The following MED17 variants were observed in gnomAD, a reference collection of about 807,000 sequenced individuals.
MED17 encodes mediator complex subunit 17.
A neutral mutation model predicts 80.8 loss-of-function variants in MED17; 49 were observed. The observed-to-expected ratio is 0.61, with a 90% CI of 0.48 to 0.77. The LOEUF (loss-of-function observed/expected upper bound fraction) is 0.77. MED17 is among the 30% of genes least tolerant of loss of function. MED17 has a pLI of 0.00. For synonymous variants in MED17, 281 were observed against 280.4 expected, an observed-to-expected ratio of 1.00 and a Z score of -0.02; for missense variants, 718 against 787.0, an observed-to-expected ratio of 0.91 and a Z score of 1.05.
At chr11:93,801,228 A>G (rs1283384650) in intron 8 of MED17, 1 of 152,440 alleles carries the variant, frequency 6.6e-6, no homozygotes, top group Admixed American at 6.5e-5. Flanking sequence ...ATTAAATGAT[A>G]TGTTAGTAAG....
chr11:93,807,782 A>G (rs975688391), intron 10 of MED17, 147 bp downstream of exon 10: 3 of 706,390 alleles, frequency 4.2e-6, no homozygotes, highest in South Asian at 1.5e-5. Context: ...TTTAATTTCT[A>G]ATGCACATTT....
chr11:93,803,033 C>T (rs1217794585), intron 9 of MED17, among the ~76,000 whole-genome samples: 2 of 152,028 alleles, frequency 1.3e-5, no homozygotes, highest in African/African-American at 4.8e-5. Context: ...TTTGAGATGG[C>T]GTCTCACAAT....
intron 10 of MED17, chr11:93,809,268 C>G: frequency 3.4e-6 from 1 of 297,440 alleles, no homozygotes; most frequent in South Asian, 3.3e-5. Flanking sequence ...AATAAATACC[C>G]TGACCTCACT....
intron 3 of MED17, among the ~76,000 whole-genome samples, chr11:93,792,863 C>T (rs958555683): frequency 3.9e-5 from 6 of 151,992 alleles, no homozygotes; most frequent in African/African-American, 1.5e-4. Flanking sequence ...ATTGTTAAAT[C>T]CTAGGAGTTT....
In MED17 at chr11:93,797,061, A is replaced by C. The variant is rs1003690697; in HGVS notation, c.1144-474A>C. ...AAGAGTTGTTTTTAAAAAGCTCCTT[A>C]GGAGGTTCAGATAGGCAGCCGGGTT... On this transcript the variant is annotated intron_variant, in intron 7 of 11. Coordinates refer to ENST00000251871, the MANE Select transcript of MED17 (RefSeq NM_004268.5). 6.8e-5 allele frequency: 14 copies of C among 206,474 alleles called. No homozygotes were observed. In the East Asian group the frequency reaches 1.7e-3, roughly 25 times the overall value. 12.8% of individuals were successfully genotyped at this position (206,474 alleles called of 1,614,324 possible). A position where few individuals can be genotyped will look rare whatever the true frequency, so the allele number is the denominator to read the frequency against.
intron 11 of MED17, 71 bp from the exon 12 acceptor site, chr11:93,811,782 T>G (rs1944087141): frequency 1.5e-6 from 2 of 1,325,446 alleles, no homozygotes; most frequent in Admixed American, 3.4e-5. Context: ...AGAATGGAGT[T>G]GTGGGATTTA....
rs1463127440 is a variant in MED17 at position 93,802,007 on chromosome 11, T to C, written c.1466+35T>C. On this transcript the variant is annotated intron_variant, in intron 9 of 11. Coordinates refer to ENST00000251871, the MANE Select transcript of MED17 (RefSeq NM_004268.5). ...CAAAATAAAAGTTTTGTATTTAATATGTTAATTTGCTATTGATGTTTGCTG... is the reference window on the plus strand; with the variant it reads ...CAAAATAAAAGTTTTGTATTTAATACGTTAATTTGCTATTGATGTTTGCTG... 5 of 1,583,426 alleles carry C rather than the reference T, an allele frequency of 3.2e-6. No homozygotes were observed. The South Asian group carries it at 3.4e-5, about 11-fold the overall frequency.
intron 11 of MED17, chr11:93,811,275 C>T (rs1280018962): frequency 6.6e-6 from 1 of 152,446 alleles, no homozygotes; most frequent in East Asian, 1.9e-4. Flanking sequence ...TTTCCTTCAT[C>T]CCTTTCAGTC....
At chr11:93,806,154 T>C (rs1363383465) in intron 9 of MED17, 1 of 151,992 alleles carries the variant, frequency 6.6e-6, no homozygotes, top group Admixed American at 6.6e-5. Context: ...AATTTTTGTA[T>C]TTTTAGTAGG....
chr11:93,801,736 T>C, intron 8 of MED17, 99 bp from the exon 9 acceptor site: 1 of 1,156,404 alleles, frequency 8.6e-7, no homozygotes, highest in South Asian at 1.3e-5. Context: ...TTTAAAAAAG[T>C]AGTTAGTTTT....
chr11:93,786,735 C>G (rs61904951), intron 1 of MED17, among the ~76,000 whole-genome samples: 1,838 of 152,240 alleles, frequency 0.012, 15 homozygotes, highest in Middle Eastern at 0.061. Flanking sequence ...TCCCAAAGTG[C>G]TGGGATTACA....
rs1054732289 is a variant in MED17, at chr11:93,814,396, A to G, written c.*2332A>G. ...TTTCCTGGAGTTTGAAGGATGTGCT[A>G]TGGAAACTTGGGAGACAGTTTGAAG... On this transcript the variant is annotated 3_prime_UTR_variant, in exon 12 of 12. Transcript: ENST00000251871. 1.3e-5 allele frequency: 2 copies of G among 152,196 alleles called. No individual in the cohort carries two copies. The highest frequency in any genetic ancestry group is 6.5e-5 in the Admixed American group (1 of 15,282). 9.4% of individuals were successfully genotyped at this position (152,196 alleles called of 1,614,324 possible). A position where few individuals can be genotyped will look rare whatever the true frequency, so the allele number is the denominator to read the frequency against.
At chr11:93,797,063 G>GA in intron 7 of MED17, 1 of 204,752 alleles carries the variant, frequency 4.9e-6, no homozygotes, top group Non-Finnish European at 1.0e-5. Flanking sequence ...AGCTCCTTAG[G>GA]AGGTTCAGAT....
At chr11:93,787,520 T>TA (rs966895203) in intron 1 of MED17, among the ~76,000 whole-genome samples, 2 of 152,244 alleles carry the variant, frequency 1.3e-5, no homozygotes, top group African/African-American at 4.8e-5. Context: ...TTTCACTTTT[T>TA]ACCCTCTAAT....
rs777330452 is a variant in MED17, at chr11:93,811,896, T to C, written c.1788T>C (p.Phe596=). The change falls in exon 12 of 12, where the codon TTT becomes TTC. Residue 596 remains phenylalanine (F), a synonymous_variant. Coordinates refer to ENST00000251871, the MANE Select transcript of MED17 (RefSeq NM_004268.5). ...GTGGCAGCAAGATTATGGTTCAGTT[T>C]CCTCGTAACCAATGTAAAGACCTTC... The part of the protein sequence containing the change: ...PESGSKIMVQ[F]PRNQCKDLPK... The C allele has an allele frequency of 6.2e-7, 1 of 1,614,132 alleles. No individual in the cohort carries two copies. Among genetic ancestry groups the C allele is most frequent in the Non-Finnish European group, 8.5e-7 (1 of 1,180,014 alleles).
intron 9 of MED17, among the ~76,000 whole-genome samples, chr11:93,802,892 C>A (rs540505335): frequency 6.6e-6 from 1 of 152,280 alleles, no homozygotes; most frequent in Non-Finnish European, 1.5e-5. Context: ...TGGCCAGTAG[C>A]CTTTAAGGAC....
At chr11:93,803,992 TG>T (rs1943992252) in intron 9 of MED17, among the ~76,000 whole-genome samples, 1 of 2,394 alleles carries the variant, frequency 4.2e-4, no homozygotes, top group Non-Finnish European at 3.5e-3. Flanking sequence ...TGTGTATATA[TG>T]TGTGTGTATA....
chr11:93,811,513 TC>T, intron 11 of MED17: 1 of 296,262 alleles, frequency 3.4e-6, no homozygotes, highest in Non-Finnish European at 6.4e-6. Context: ...TTTAACCGCC[TC>T]CCAAAAAAAG....
chr11:93,806,736 G>T (rs1389889939), intron 9 of MED17: 1 of 152,172 alleles, frequency 6.6e-6, no homozygotes, highest in Non-Finnish European at 1.5e-5. Context: ...TAGTAAAAAT[G>T]ATCTCAAATT....
Sources: gnomAD v4.1 joint callset for allele counts (sites outside exome capture counted in the v4.1 genomes callset) on GRCh38, gnomAD v4.1.1 for gene constraint, MANE v1.5 for transcripts, NCBI Gene and HGNC (gene_info 2026-07-23, HGNC 2026-07-21) for gene names.